Variants in PDE10A observed in about 807,000 individuals in gnomAD.
PDE10A encodes cAMP and cAMP-inhibited cGMP 3',5'-cyclic phosphodiesterase 10A.
PDE10A carries 39 observed loss-of-function variants against 97.7 expected under a neutral mutation model. That is an observed-to-expected ratio of 0.40 (90% CI 0.31 to 0.52). The LOEUF is 0.52. Ranked by LOEUF, PDE10A falls within the 20% of genes least tolerant of loss-of-function variation. The pLI is 0.56. For missense variants in PDE10A, 731 were observed against 1,047.8 expected, an observed-to-expected ratio of 0.70 and a Z score of 4.17; for synonymous variants, 371 against 376.8, an observed-to-expected ratio of 0.98 and a Z score of 0.18.
intron 3 of PDE10A, among the ~76,000 whole-genome samples, chr6:165,474,842 G>A (rs1779205932): frequency 6.6e-6 from 1 of 151,828 alleles, no homozygotes; most frequent in African/African-American, 2.4e-5. Context: ...GACTCCATAA[G>A]GAAAAATTTT....
intron 1 of PDE10A, among the ~76,000 whole-genome samples, chr6:165,645,387 G>A (rs1350878665): frequency 6.6e-6 from 1 of 152,062 alleles, no homozygotes; most frequent in African/African-American, 2.4e-5. Flanking sequence ...AGGCTCTGTG[G>A]GCAAGGAAAC....
chr6:165,445,950 C>A (rs1790821101), intron 5 of PDE10A, among the ~76,000 whole-genome samples: 1 of 151,906 alleles, frequency 6.6e-6, no homozygotes, highest in Admixed American at 6.6e-5. Flanking sequence ...CCATAAAACA[C>A]ATAAGCAAAA....
chr6:165,770,069 G>A lies in PDE10A; in HGVS notation c.-615+217460C>T, dbSNP rs78547177. Among the ~76,000 whole-genome samples the A allele has an allele frequency of 9.5e-3, 1,432 of 151,066 alleles. 13 individuals are homozygous for A. Among genetic ancestry groups the A allele is most frequent in the Non-Finnish European group, 0.015 (995 of 67,944 alleles). Reference sequence around the variant, plus strand: ...ATGCTCTGCTCTAAGAAAAGTCCTGGCAAGACCTAGCTTCCGTCTCTAGTC... The same window carrying A: ...ATGCTCTGCTCTAAGAAAAGTCCTGACAAGACCTAGCTTCCGTCTCTAGTC... On this transcript the variant is annotated intron_variant, in intron 1 of 19. Coordinates refer to the PDE10A transcript ENST00000366882.
chr6:165,728,022 C>T (rs1342770980), intron 1 of PDE10A, among the ~76,000 whole-genome samples: 1 of 152,100 alleles, frequency 6.6e-6, no homozygotes, highest in Non-Finnish European at 1.5e-5. Flanking sequence ...TAGTAGAAAA[C>T]TAGGAAAAAA....
intron 1 of PDE10A, among the ~76,000 whole-genome samples, chr6:165,737,994 T>TC (rs1792621385): frequency 2.5e-5 from 3 of 119,562 alleles, no homozygotes; most frequent in Non-Finnish European, 5.0e-5. Flanking sequence ...CAGTCCCACT[T>TC]CTTTTTTTTA....
chr6:165,337,780 A>G (rs576735573), intron 20 of PDE10A, among the ~76,000 whole-genome samples: 6 of 152,328 alleles, frequency 3.9e-5, no homozygotes, highest in Admixed American at 6.5e-5. Context: ...GACAGCATCA[A>G]TGAGAAATTT....
rs1181127272 is a variant in PDE10A, at chr6:165,879,922, TC to T, written c.-615+107606del. ...ACAGCTTCTCGGTGGATATGAATTC[TC>T]GGGGGGGGACACTCTTTAACCCAGT... is the stretch of plus-strand genomic sequence containing the variant. On this transcript the variant is annotated intron_variant, in intron 1 of 19. Transcript: ENST00000366882. 1.0e-4 allele frequency among the ~76,000 whole-genome samples: 6 copies of T among 58,238 alleles called. No homozygotes were observed. The East Asian group carries it at 0.012, about 118-fold the overall frequency. The allele number at this position is 58,238 out of a possible 152,430, so 38.2% of individuals were successfully genotyped here.
intron 1 of PDE10A, among the ~76,000 whole-genome samples, chr6:165,558,840 A>T (rs1784385481): frequency 6.6e-6 from 1 of 152,212 alleles, no homozygotes; most frequent in African/African-American, 2.4e-5. Flanking sequence ...ACACGTATAT[A>T]TACCTAATAT....
intron 1 of PDE10A, among the ~76,000 whole-genome samples, chr6:165,895,976 C>T (rs548763553): frequency 6.6e-6 from 1 of 152,282 alleles, no homozygotes; most frequent in Admixed American, 6.5e-5. Flanking sequence ...TGCACCATGC[C>T]CAGGCCTCTG....
intron 1 of PDE10A, among the ~76,000 whole-genome samples, chr6:165,683,336 G>A (rs556337904): frequency 5.9e-5 from 9 of 152,240 alleles, no homozygotes; most frequent in Middle Eastern, 3.4e-3. Flanking sequence ...CCCAGCCAAC[G>A]AGAATCCCAG....
chr6:165,765,714 A>G (rs2128458915), intron 1 of PDE10A, among the ~76,000 whole-genome samples: 1 of 152,292 alleles, frequency 6.6e-6, no homozygotes, highest in Admixed American at 6.5e-5. Flanking sequence ...CGCCTTGGCC[A>G]GCCCAGAAAG....
chr6:165,926,596 G>A (rs980199519), intron 1 of PDE10A, among the ~76,000 whole-genome samples: 1 of 152,136 alleles, frequency 6.6e-6, no homozygotes, highest in Non-Finnish European at 1.5e-5. Flanking sequence ...CCCTGCACTG[G>A]ATGACAGGAA....
intron 1 of PDE10A, among the ~76,000 whole-genome samples, chr6:165,960,651 C>T (rs116493068): frequency 0.015 from 2,230 of 152,240 alleles, 52 homozygotes; most frequent in African/African-American, 0.051. Context: ...CAGCAGTTAG[C>T]GCAGATCTGT....
intron 1 of PDE10A, among the ~76,000 whole-genome samples, chr6:165,875,735 T>G (rs984700913): frequency 1.6e-4 from 11 of 69,928 alleles, no homozygotes; most frequent in Non-Finnish European, 2.5e-4. Context: ...TTTACTGTTT[T>G]TTTTTTTTTT....
Position 165,847,248 on chromosome 6 carries a change from G to A in PDE10A, c.-615+140281C>T, listed in dbSNP as rs1310317267. 4.6e-5 allele frequency among the ~76,000 whole-genome samples: 7 copies of A among 152,208 alleles called. No individual in the cohort carries two copies. The East Asian group carries it at 1.3e-3, about 29-fold the overall frequency. On this transcript the variant is annotated intron_variant, in intron 1 of 19. Coordinates refer to the PDE10A transcript ENST00000366882. ...GTTTACAGAGAGGCAGGGGTACCGGGAGCTTGGCAGAGCTCTCAACAAGAA... is the reference window on the plus strand; with the variant it reads ...GTTTACAGAGAGGCAGGGGTACCGGAAGCTTGGCAGAGCTCTCAACAAGAA...
chr6:165,530,896 A>G (rs1008914267), intron 2 of PDE10A, among the ~76,000 whole-genome samples: 2 of 152,162 alleles, frequency 1.3e-5, no homozygotes, highest in Non-Finnish European at 1.5e-5. Context: ...TTCAAAATAT[A>G]TATTATCAAA....
intron 3 of PDE10A, among the ~76,000 whole-genome samples, chr6:165,468,874 C>T (rs774164438): frequency 2.6e-5 from 4 of 152,132 alleles, no homozygotes; most frequent in African/African-American, 9.7e-5. Flanking sequence ...CTTTAAACGG[C>T]CCTTGAATTT....
intron 1 of PDE10A, among the ~76,000 whole-genome samples, chr6:165,603,811 T>G (rs1787081762): frequency 6.6e-6 from 1 of 152,226 alleles, no homozygotes; most frequent in Admixed American, 6.5e-5. Flanking sequence ...AACAAAAAAT[T>G]GGCACTAACT....
chr6:165,976,783 A>G (rs1194283844), intron 1 of PDE10A, among the ~76,000 whole-genome samples: 1 of 152,202 alleles, frequency 6.6e-6, no homozygotes, highest in Non-Finnish European at 1.5e-5. Context: ...AGCTCACAAT[A>G]ACTGACAGCT....
Sources: allele counts gnomAD v4.1 joint callset (sites outside exome capture counted in the v4.1 genomes callset), GRCh38; gene constraint gnomAD v4.1.1; transcripts MANE v1.5; gene names NCBI Gene and HGNC (gene_info 2026-07-23, HGNC 2026-07-21).